The following PDE7B variants were observed in gnomAD, a reference collection of about 807,000 sequenced individuals.
PDE7B encodes the protein 3',5'-cyclic-AMP phosphodiesterase 7B.
In PDE7B, 29 loss-of-function variants were observed where a neutral mutation model predicts 56.2. That is an observed-to-expected ratio of 0.52 (90% CI 0.38 to 0.70). The LOEUF is 0.70. Ranked by LOEUF, PDE7B falls within the 30% of genes least tolerant of loss-of-function variation. The probability of loss-of-function intolerance (pLI) is 0.00; values close to 1 mark genes in which losing one functional copy is unlikely to be tolerated. For synonymous variants in PDE7B, 197 were observed against 196.9 expected, an observed-to-expected ratio of 1.00 and a Z score of 0.00; for missense variants, 490 against 565.0, an observed-to-expected ratio of 0.87 and a Z score of 1.35.
At chr6:135,881,277 C>A (rs1483494581) in intron 1 of PDE7B, among the ~76,000 whole-genome samples, 1 of 149,288 alleles carries the variant, frequency 6.7e-6, no homozygotes, top group Non-Finnish European at 1.5e-5. Context: ...GTGGGCGGAT[C>A]ACAAGGTCAA....
chr6:136,066,027 A>C (rs1208735038), intron 2 of PDE7B, among the ~76,000 whole-genome samples: 2 of 144,130 alleles, frequency 1.4e-5, no homozygotes, highest in Non-Finnish European at 3.1e-5. Flanking sequence ...AGTGATTTCC[A>C]TAAAGGCTTT....
At chr6:136,010,389 C>CTTT (rs1327188298) in intron 2 of PDE7B, among the ~76,000 whole-genome samples, 26 of 98,816 alleles carry the variant, frequency 2.6e-4, no homozygotes, top group African/African-American at 9.0e-4. Context: ...TTATTCCCTT[C>CTTT]TTTTTTTTTT....
intron 2 of PDE7B, among the ~76,000 whole-genome samples, chr6:135,969,809 G>A (rs1775061297): frequency 6.6e-6 from 1 of 152,126 alleles, no homozygotes; most frequent in African/African-American, 2.4e-5. Flanking sequence ...ATCAGCGTCT[G>A]AGTCATTTTT....
intron 2 of PDE7B, among the ~76,000 whole-genome samples, chr6:136,074,769 T>C (rs1777104253): frequency 6.6e-6 from 1 of 152,232 alleles, no homozygotes; most frequent in Non-Finnish European, 1.5e-5. Flanking sequence ...CATTCTTTTT[T>C]ATGGCTGAAT....
chr6:135,998,250 C>T, intron 2 of PDE7B, among the ~76,000 whole-genome samples: 1 of 152,006 alleles, frequency 6.6e-6, no homozygotes, highest in Admixed American at 6.5e-5. Flanking sequence ...TTCTTTCTGC[C>T]ACCAGTTGGA....
chr6:135,924,748 C>G (rs1454263346), intron 1 of PDE7B, among the ~76,000 whole-genome samples: 3 of 145,976 alleles, frequency 2.1e-5, no homozygotes, highest in Non-Finnish European at 4.5e-5. Flanking sequence ...TATTATAGTA[C>G]TATATAGTTT....
rs753894271 is a variant in PDE7B, at chr6:135,947,470, G to T, written c.28G>T (p.Gly10Cys). 1.2e-6 allele frequency: 2 copies of T among 1,611,074 alleles called. No homozygotes were observed. The highest frequency in any genetic ancestry group is 4.5e-5 in the East Asian group (2 of 44,846). The change falls in exon 2 of 13, where the codon GGC (glycine) becomes TGC (cysteine). Residue 10 changes from glycine to cysteine, a missense_variant. Gly to Cys is a radical substitution (Grantham distance 159). Transcript: ENST00000308191. ...GGCTATCTTTCTATTTCAGAGGTGT[G>T]GCGAAATCTTGTTTGAGAACCCCGA... MSCLMVERC[G>C]EILFENPDQN...
intron 1 of PDE7B, among the ~76,000 whole-genome samples, chr6:135,875,901 CTG>C (rs1775482129): frequency 1.3e-5 from 2 of 151,796 alleles, no homozygotes; most frequent in South Asian, 4.2e-4. Context: ...TTGTGGTCAT[CTG>C]TTATTTCTGG....
chr6:135,979,376 A>T (rs2128204027), intron 2 of PDE7B, among the ~76,000 whole-genome samples: 1 of 151,858 alleles, frequency 6.6e-6, no homozygotes, highest in East Asian at 1.9e-4. Flanking sequence ...TGGTATCAGG[A>T]TGATGCTGGC....
intron 9 of PDE7B, among the ~76,000 whole-genome samples, chr6:136,177,689 C>T (rs183487918): frequency 9.1e-4 from 139 of 152,160 alleles, no homozygotes; most frequent in African/African-American, 3.2e-3. Context: ...AAAATTTATA[C>T]CATCATTTTG....
In PDE7B at chr6:136,154,075, T is replaced by A; in HGVS notation, c.479T>A (p.Val160Asp). 1 of 1,609,898 alleles carries A rather than the reference T, an allele frequency of 6.2e-7. No homozygotes were observed. Among genetic ancestry groups the A allele is most frequent in the Middle Eastern group, 1.7e-4 (1 of 6,056 alleles). The change falls in exon 7 of 13, where the codon GTC becomes GAC. Residue 160 changes from valine (V) to aspartate (D), a missense_variant and splice_region_variant. By Grantham distance (152) the Val-to-Asp change is radical. Coordinates refer to ENST00000308191, the MANE Select transcript of PDE7B (RefSeq NM_018945.4). ...ATTGAGTTATCTGTTTACCTCCCAG[T>A]CATGGTTCAAGAAGATTACCACAGC... is the stretch of plus-strand genomic sequence containing the variant. ...LDMVTLHRFL[V>D]MVQEDYHSQN... is the part of the protein sequence containing the mutation.
intron 2 of PDE7B, among the ~76,000 whole-genome samples, chr6:135,976,194 A>C (rs1016547736): frequency 1.3e-5 from 2 of 152,134 alleles, no homozygotes; most frequent in African/African-American, 4.8e-5. Flanking sequence ...CCTTAGAAAA[A>C]TTCTTATCAA....
At chr6:135,873,017 T>G (rs1038628487) in intron 1 of PDE7B, among the ~76,000 whole-genome samples, 3 of 152,192 alleles carry the variant, frequency 2.0e-5, no homozygotes, top group African/African-American at 7.2e-5. Context: ...CAGTTTATAC[T>G]TCATTCTGTA....
chr6:136,188,009 G>A (rs927551644), intron 12 of PDE7B, among the ~76,000 whole-genome samples: 1 of 152,168 alleles, frequency 6.6e-6, no homozygotes, highest in Non-Finnish European at 1.5e-5. Flanking sequence ...CATTCACAGT[G>A]CTACAGACCT....
intron 1 of PDE7B, among the ~76,000 whole-genome samples, chr6:135,892,596 G>A (rs1334289016): frequency 6.6e-6 from 1 of 152,032 alleles, no homozygotes; most frequent in Non-Finnish European, 1.5e-5. Flanking sequence ...TCGGGTAATA[G>A]GAATATATTA....
intron 1 of PDE7B, among the ~76,000 whole-genome samples, chr6:135,874,317 C>T (rs1775448656): frequency 6.6e-6 from 1 of 152,118 alleles, no homozygotes. Flanking sequence ...TTGTGGCTTA[C>T]TCTGTTGCTG....
intron 1 of PDE7B, among the ~76,000 whole-genome samples, chr6:135,942,199 A>G (rs1774517312): frequency 1.3e-5 from 2 of 152,104 alleles, no homozygotes; most frequent in South Asian, 4.1e-4. Context: ...CAATTTTTTT[A>G]TAACTAAACG....
intron 12 of PDE7B, 112 bp downstream of exon 12, chr6:136,187,228 C>A: frequency 3.1e-6 from 2 of 651,676 alleles, no homozygotes; most frequent in South Asian, 4.0e-5. Context: ...GAGGTTTAAT[C>A]AACATCCTTT....
intron 1 of PDE7B, among the ~76,000 whole-genome samples, chr6:135,925,495 A>T (rs1422690558): frequency 6.6e-6 from 1 of 152,232 alleles, no homozygotes; most frequent in Non-Finnish European, 1.5e-5. Context: ...AAAAATCAGC[A>T]AGACATGCAA....
Sources: allele counts gnomAD v4.1 joint callset (sites outside exome capture counted in the v4.1 genomes callset), GRCh38; gene constraint gnomAD v4.1.1; transcripts MANE v1.5; gene names NCBI Gene and HGNC (gene_info 2026-07-23, HGNC 2026-07-21).